MYH10: variants seen among roughly 807,000 people sequenced by gnomAD.
MYH10 encodes myosin heavy chain 10.
A neutral mutation model predicts 257.8 loss-of-function variants in MYH10; 55 were observed. That is an observed-to-expected ratio of 0.21 (90% CI 0.17 to 0.27). MYH10 has a LOEUF of 0.27. MYH10 is among the 10% of genes least tolerant of loss of function. The pLI is 1.00. For synonymous variants in MYH10, 854 were observed against 921.7 expected (o/e 0.93, Z 1.33); for missense variants, 1,631 against 2,500.6 (o/e 0.65, Z 7.42).
chr17:8,539,815 C>T (rs1489431535), intron 14 of MYH10, among the ~76,000 whole-genome samples: 2 of 152,040 alleles, frequency 1.3e-5, no homozygotes. Context: ...TCTCGAACTC[C>T]TGGTCTTAAG....
Position 8,477,148 on chromosome 17 carries a change from C to T in MYH10, c.5707-100G>A. 1 of 1,374,952 alleles carries T rather than the reference C, an allele frequency of 7.3e-7. No individual in the cohort carries two copies. The highest frequency in any genetic ancestry group is 1.0e-6 in the Non-Finnish European group (1 of 992,654). 85.2% of individuals were successfully genotyped at this position (1,374,952 alleles called of 1,614,324 possible). A position where few individuals can be genotyped will look rare whatever the true frequency, so the allele number is the denominator to read the frequency against. On this transcript the variant is annotated intron_variant, in intron 41 of 42. Coordinates refer to ENST00000360416, the MANE Select transcript of MYH10 (RefSeq NM_001256012.3). The surrounding 1 kb of genome is among the most constrained non-coding windows in gnomAD (Gnocchi z 4.2). ...GCAGTGTGGGGCTCTGCCTGTTACCCTTGTGAGCACGCGTGTACACGGATG... is the reference window on the plus strand; with the variant it reads ...GCAGTGTGGGGCTCTGCCTGTTACCTTTGTGAGCACGCGTGTACACGGATG...
At chr17:8,538,567 A>G (rs2082208608) in intron 14 of MYH10, among the ~76,000 whole-genome samples, 1 of 152,132 alleles carries the variant, frequency 6.6e-6, no homozygotes, top group South Asian at 2.1e-4. Flanking sequence ...CCTCAAATTG[A>G]GGTAAAGAGT....
intron 17 of MYH10, among the ~76,000 whole-genome samples, chr17:8,525,587 G>A (rs2081815740): frequency 6.6e-6 from 1 of 152,206 alleles, no homozygotes; most frequent in African/African-American, 2.4e-5. Context: ...ACTCTGGAAG[G>A]ATCAATTACA....
chr17:8,593,268 G>A (rs1292962664), intron 3 of MYH10, among the ~76,000 whole-genome samples: 1 of 151,746 alleles, frequency 6.6e-6, no homozygotes, highest in Non-Finnish European at 1.5e-5. Context: ...TCCCTCTAAG[G>A]TCAGGGACAA....
At chr17:8,625,153 A>T (rs931005096) in intron 1 of MYH10, among the ~76,000 whole-genome samples, 1 of 152,226 alleles carries the variant, frequency 6.6e-6, no homozygotes, top group African/African-American at 2.4e-5. Context: ...CAGGAGGCTG[A>T]GGCAGGAGAA....
intron 13 of MYH10, among the ~76,000 whole-genome samples, chr17:8,543,528 A>AC (rs2082357759): frequency 6.8e-6 from 1 of 146,882 alleles, no homozygotes; most frequent in South Asian, 2.1e-4. Context: ...AGGCTGGAGT[A>AC]CAGTGGCACA....
At chr17:8,558,657 C>T (rs2151977085) in intron 7 of MYH10, among the ~76,000 whole-genome samples, 1 of 152,348 alleles carries the variant, frequency 6.6e-6, no homozygotes. Context: ...AGGCACCCTT[C>T]TCTCTTCTGC....
rs551786239 is a variant in MYH10, at chr17:8,534,818, T to C, written c.1894+569A>G. On this transcript the variant is annotated intron_variant, in intron 16 of 42. Transcript: ENST00000360416. ...AAAATGCATAGAGACACAGAGACAT[T>C]TTGATTTTCTGATACTAGTAAAATC... Among the ~76,000 whole-genome samples the C allele has an allele frequency of 2.6e-5, 4 of 152,356 alleles. No homozygotes were observed. In the South Asian group the frequency reaches 8.3e-4, roughly 32 times the overall value.
chr17:8,523,322 C>A (rs2081721254), intron 17 of MYH10, among the ~76,000 whole-genome samples: 1 of 152,188 alleles, frequency 6.6e-6, no homozygotes, highest in Admixed American at 6.5e-5. Context: ...CACCAACATA[C>A]TTCATATATA....
chr17:8,487,615 A>G, intron 35 of MYH10, 21 bp from the exon 36 acceptor site: 1 of 1,613,830 alleles, frequency 6.2e-7, no homozygotes, highest in Non-Finnish European at 8.5e-7. Flanking sequence ...ACATCGGGTT[A>G]TGCTGGGTTA....
intron 4 of MYH10, among the ~76,000 whole-genome samples, chr17:8,585,270 ATGTGCATGTGTGTGTGTG>A (rs2083863109): frequency 3.4e-5 from 4 of 118,970 alleles, no homozygotes; most frequent in African/African-American, 1.3e-4. Flanking sequence ...GTGTATATAT[ATGTGCATGTGTGTGTGTG>A]TATATATATA....
At chr17:8,597,714 A>G (rs900286692) in intron 3 of MYH10, among the ~76,000 whole-genome samples, 24 of 150,718 alleles carry the variant, frequency 1.6e-4, no homozygotes, top group South Asian at 2.1e-4. Context: ...CCCAGGTTCA[A>G]GGGATTCTCC....
chr17:8,511,515 G>A (rs957373430), intron 24 of MYH10, among the ~76,000 whole-genome samples: 2 of 152,216 alleles, frequency 1.3e-5, no homozygotes, highest in African/African-American at 4.8e-5. Flanking sequence ...GCGAGACTCC[G>A]TCTCAAAAAC....
chr17:8,485,955 G>GT (rs1914688845), intron 36 of MYH10, among the ~76,000 whole-genome samples: 1 of 152,224 alleles, frequency 6.6e-6, no homozygotes, highest in African/African-American at 2.4e-5. Context: ...CGAGTAAAAT[G>GT]TGGTAGATGT....
At chr17:8,600,679 G>C (rs1407922545) in intron 3 of MYH10, among the ~76,000 whole-genome samples, 1 of 152,138 alleles carries the variant, frequency 6.6e-6, no homozygotes, top group Non-Finnish European at 1.5e-5. Context: ...GAGTGAGAGA[G>C]GAACCAAGAA....
chr17:8,601,916 AG>A (rs1471000138), intron 3 of MYH10, among the ~76,000 whole-genome samples: 1 of 152,110 alleles, frequency 6.6e-6, no homozygotes, highest in Non-Finnish European at 1.5e-5. Context: ...GTGACCAAAA[AG>A]TTTGTGCATG....
intron 3 of MYH10, among the ~76,000 whole-genome samples, chr17:8,598,710 C>CT (rs11442242): frequency 0.68 from 97,156 of 142,774 alleles, 32,955 homozygotes; most frequent in East Asian, 0.76. Context: ...CATTTTGTAC[C>CT]TTTTTTTTTT....
At chr17:8,543,567 C>T (rs1038270583) in intron 13 of MYH10, among the ~76,000 whole-genome samples, 3 of 151,904 alleles carry the variant, frequency 2.0e-5, no homozygotes, top group African/African-American at 7.3e-5. Flanking sequence ...CTCCGCCTCC[C>T]GGGTTCAAGC....
At chr17:8,519,038 A>C in intron 19 of MYH10, 88 bp from the exon 20 acceptor site, 1 of 976,312 alleles carries the variant, frequency 1.0e-6, no homozygotes, top group Non-Finnish European at 1.6e-6. Flanking sequence ...AAGAGGCAAT[A>C]AAATGTTGGG....
Sources: gnomAD v4.1 joint callset for allele counts (sites outside exome capture counted in the v4.1 genomes callset) on GRCh38, gnomAD v4.1.1 for gene constraint, Gnocchi (gnomAD v3.1) non-coding constraint, MANE v1.5 for transcripts, NCBI Gene and HGNC (gene_info 2026-07-23, HGNC 2026-07-21) for gene names.